PPP1R9A: variants seen among roughly 807,000 people sequenced by gnomAD.
The protein encoded by PPP1R9A is neurabin-1.
A neutral mutation model predicts 141.9 loss-of-function variants in PPP1R9A; 59 were observed. The ratio of observed to expected loss-of-function variants is 0.42; its 90% CI spans 0.34 to 0.52. The LOEUF (loss-of-function observed/expected upper bound fraction) is 0.52, where lower values mean the gene tolerates loss of function less well. PPP1R9A is among the 20% of genes least tolerant of loss of function. PPP1R9A has a pLI of 0.10. For synonymous variants in PPP1R9A, 500 were observed against 569.7 expected (o/e 0.88, Z 1.74); for missense variants, 1,444 against 1,611.9 (o/e 0.90, Z 1.78).
intron 2 of PPP1R9A, among the ~76,000 whole-genome samples, chr7:94,988,392 T>C (rs1801108430): frequency 1.3e-5 from 2 of 152,148 alleles, no homozygotes; most frequent in Admixed American, 6.6e-5. Flanking sequence ...TTAAAAATTA[T>C]TGGATAAGAC....
At chr7:94,963,177 G>A (rs563712119) in intron 2 of PPP1R9A, among the ~76,000 whole-genome samples, 40 of 152,122 alleles carry the variant, frequency 2.6e-4, no homozygotes, top group African/African-American at 9.4e-4. Context: ...CTTTGAATAA[G>A]TAGTTTTTGT....
At chr7:94,914,998 T>A (rs76384246) in intron 2 of PPP1R9A, among the ~76,000 whole-genome samples, 1 of 142,256 alleles carries the variant, frequency 7.0e-6, no homozygotes, top group Non-Finnish European at 1.5e-5. Flanking sequence ...TGGATTGGTA[T>A]TTTTTTTTCC....
chr7:95,198,586 A>G, intron 6 of PPP1R9A, 102 bp downstream of exon 6: 3 of 1,341,184 alleles, frequency 2.2e-6, no homozygotes, highest in Non-Finnish European at 2.0e-6. Context: ...TTCTTGAGGA[A>G]GGTGTGTCCA....
chr7:95,284,158 C>T lies in PPP1R9A; in HGVS notation c.3437C>T (p.Pro1146Leu). The part of the protein sequence containing the change: ...GSYSFRNLPA[P>L]TSSLQPSPET... The stretch of plus-strand genomic sequence containing the variant: ...TATTCCTTCAGGAACCTGCCTGCGC[C>T]TACAAGTTCCCTTCAGCCTTCTCCT... Residue 1146 changes from proline (P) to leucine (L), a missense_variant, in exon 17 of 20, where the codon CCT becomes CTT. Transcript: ENST00000433360. 1 of 1,589,300 alleles carries T rather than the reference C, an allele frequency of 6.3e-7. No homozygotes were observed. The highest frequency in any genetic ancestry group is 1.1e-5 in the South Asian group (1 of 90,872).
intron 2 of PPP1R9A, among the ~76,000 whole-genome samples, chr7:94,991,858 C>T (rs925777145): frequency 3.3e-5 from 5 of 152,122 alleles, no homozygotes; most frequent in Non-Finnish European, 5.9e-5. Context: ...CGCCATGTTG[C>T]CCCTGCTGTT....
In PPP1R9A at chr7:95,264,037, G is replaced by T. The variant is rs546161360; in HGVS notation, c.2666-4513G>T. Among the ~76,000 whole-genome samples the T allele has an allele frequency of 1.1e-4, 17 of 152,100 alleles. 1 individual carries two copies. The highest frequency in any genetic ancestry group is 9.7e-4 in the East Asian group (5 of 5,180). ...AATTGCCCAATTTAATGGGACAGCC[G>T]CTTGTTCTGAATTCTATTCAAGGAA... On this transcript the variant is annotated intron_variant, in intron 12 of 19. Transcript: ENST00000433360.
intron 14 of PPP1R9A, among the ~76,000 whole-genome samples, chr7:95,270,609 G>A (rs1414444256): frequency 6.6e-6 from 1 of 152,112 alleles, no homozygotes; most frequent in African/African-American, 2.4e-5. Context: ...TATGCCAGTA[G>A]AAGGCATGAA....
At chr7:95,097,917 A>T (rs1024728609) in intron 2 of PPP1R9A, among the ~76,000 whole-genome samples, 1 of 152,216 alleles carries the variant, frequency 6.6e-6, no homozygotes, top group Non-Finnish European at 1.5e-5. Flanking sequence ...GAGTCTGGCT[A>T]TGAAGGTCTG....
At chr7:95,069,092 A>G (rs1584518061) in intron 2 of PPP1R9A, among the ~76,000 whole-genome samples, 1 of 152,326 alleles carries the variant, frequency 6.6e-6, no homozygotes, top group East Asian at 1.9e-4. Flanking sequence ...TTGTTATAGT[A>G]TATTGTTTAA....
At chr7:95,178,789 A>G (rs1243394591) in intron 5 of PPP1R9A, among the ~76,000 whole-genome samples, 2 of 152,146 alleles carry the variant, frequency 1.3e-5, no homozygotes, top group Admixed American at 1.3e-4. Context: ...GAGATGGATA[A>G]ATTCTTTGTA....
intron 4 of PPP1R9A, among the ~76,000 whole-genome samples, chr7:95,158,484 A>G (rs1168068476): frequency 2.0e-5 from 3 of 152,156 alleles, no homozygotes; most frequent in South Asian, 2.1e-4. Flanking sequence ...GTGAGACCCC[A>G]TCCCCCACCT....
chr7:95,099,667 C>G (rs2152390902), intron 2 of PPP1R9A, among the ~76,000 whole-genome samples: 1 of 151,980 alleles, frequency 6.6e-6, no homozygotes, highest in East Asian at 1.9e-4. Context: ...ATTTTTAAGG[C>G]TTTTCTAGGC....
intron 2 of PPP1R9A, among the ~76,000 whole-genome samples, chr7:95,041,373 A>G (rs1809214275): frequency 6.6e-6 from 1 of 152,230 alleles, no homozygotes; most frequent in Non-Finnish European, 1.5e-5. Context: ...GATTTTAATC[A>G]TGTTTCTGGA....
At chr7:95,252,523 A>C (rs1297774019) in intron 12 of PPP1R9A, among the ~76,000 whole-genome samples, 1 of 141,404 alleles carries the variant, frequency 7.1e-6, no homozygotes, top group African/African-American at 2.7e-5. Flanking sequence ...GCTGGAGTAC[A>C]GTGGTGCAAT....
At chr7:95,046,329 A>G (rs1810009803) in intron 2 of PPP1R9A, among the ~76,000 whole-genome samples, 1 of 152,108 alleles carries the variant, frequency 6.6e-6, no homozygotes, top group Non-Finnish European at 1.5e-5. Context: ...TTGGACTTCA[A>G]GTGATCCATC....
chr7:94,986,707 A>G (rs985177015), intron 2 of PPP1R9A, among the ~76,000 whole-genome samples: 1 of 152,238 alleles, frequency 6.6e-6, no homozygotes, highest in Non-Finnish European at 1.5e-5. Flanking sequence ...CAGGCATTGA[A>G]ATAGCACACT....
chr7:94,971,973 C>G (rs1273012289), intron 2 of PPP1R9A, among the ~76,000 whole-genome samples: 1 of 152,164 alleles, frequency 6.6e-6, no homozygotes, highest in African/African-American at 2.4e-5. Context: ...TACAAACTCT[C>G]CTTATGCAAT....
At chr7:95,065,361 C>T (rs76495147) in intron 2 of PPP1R9A, among the ~76,000 whole-genome samples, 3,292 of 152,114 alleles carry the variant, frequency 0.022, 128 homozygotes, top group African/African-American at 0.075. Flanking sequence ...CACTGCACCT[C>T]GCCCCAAGTT....
chr7:95,231,141 T>TA (rs979328419), intron 8 of PPP1R9A, among the ~76,000 whole-genome samples: 1 of 151,898 alleles, frequency 6.6e-6, no homozygotes, highest in African/African-American at 2.4e-5. Flanking sequence ...CAACAGCAGT[T>TA]AAAAAAAGAC....
Sources: allele counts gnomAD v4.1 joint callset (sites outside exome capture counted in the v4.1 genomes callset), GRCh38; gene constraint gnomAD v4.1.1; transcripts MANE v1.5; gene names NCBI Gene and HGNC (gene_info 2026-07-23, HGNC 2026-07-21).